Variants in KLHL5 observed in about 807,000 individuals in gnomAD.
KLHL5 encodes the protein kelch-like protein 5.
In KLHL5, 48 loss-of-function variants were observed where a neutral mutation model predicts 77.7. The observed-to-expected ratio is 0.62, with a 90% CI of 0.49 to 0.79. The LOEUF is 0.79. Among genes scored for constraint, KLHL5 ranks in the 30% least tolerant of loss-of-function variants. KLHL5 has a pLI of 0.00. For synonymous variants in KLHL5, 260 were observed against 297.0 expected (o/e 0.88, Z 1.28); for missense variants, 723 against 859.7 (o/e 0.84, Z 1.99).
intron 1 of KLHL5, among the ~76,000 whole-genome samples, chr4:39,071,865 A>G (rs1226525399): frequency 6.6e-6 from 1 of 152,224 alleles, no homozygotes; most frequent in Non-Finnish European, 1.5e-5. Flanking sequence ...TTACAGTGAA[A>G]GTCTAATATA....
chr4:39,111,527 CAT>C (rs1722456826), intron 8 of KLHL5, among the ~76,000 whole-genome samples: 1 of 152,152 alleles, frequency 6.6e-6, no homozygotes, highest in Non-Finnish European at 1.5e-5. Flanking sequence ...TGTGCACACA[CAT>C]ATGCATGTGT....
chr4:39,112,827 A>G, intron 8 of KLHL5, 193 bp from the exon 9 acceptor site: 1 of 559,586 alleles, frequency 1.8e-6, no homozygotes, highest in East Asian at 3.0e-5. Flanking sequence ...TTTCATGTAT[A>G]TACAGAGTGA....
At chr4:39,092,743 C>G (rs556640556) in intron 5 of KLHL5, among the ~76,000 whole-genome samples, 2 of 152,230 alleles carry the variant, frequency 1.3e-5, no homozygotes, top group East Asian at 3.9e-4. Flanking sequence ...GAGACTGTTT[C>G]TCTCTTCGTC....
chr4:39,120,840 A>G (rs1013144707), intron 10 of KLHL5, among the ~76,000 whole-genome samples, 170 bp from the exon 11 acceptor site: 4 of 152,260 alleles, frequency 2.6e-5, no homozygotes, highest in Non-Finnish European at 4.4e-5. Flanking sequence ...TTTGCCATGG[A>G]AGGTGGCTCT....
intron 1 of KLHL5, among the ~76,000 whole-genome samples, chr4:39,048,753 C>T (rs771542348): frequency 9.3e-5 from 13 of 140,312 alleles, no homozygotes; most frequent in Non-Finnish European, 1.7e-4. Context: ...AAGTGATTCT[C>T]CTGCCTCAGC....
Position 39,081,758 on chromosome 4 carries a change from A to T in KLHL5, c.704-205A>T, listed in dbSNP as rs1304766158. Among the ~76,000 whole-genome samples the T allele has an allele frequency of 6.6e-6, 1 of 152,066 alleles. No individual in the cohort carries two copies. Among genetic ancestry groups the T allele is most frequent in the Non-Finnish European group, 1.5e-5 (1 of 68,020 alleles). On this transcript the variant is annotated intron_variant, in intron 3 of 10. Coordinates refer to ENST00000504108, the MANE Select transcript of KLHL5 (RefSeq NM_015990.5). This position sits in a 1 kb window ranked among gnomAD's most constrained non-coding sequence, Gnocchi z 4.3. ...TTTAAAATTCTGAAAATAAGCCATT[A>T]GTTTTTATTTTAGTAGATGTCTCAA...
intron 1 of KLHL5, chr4:39,045,164 A>T: frequency 1.0e-6 from 1 of 983,512 alleles, no homozygotes; most frequent in African/African-American, 1.8e-5. Context: ...TCCCGCCCCC[A>T]CGCGACTCTC....
In KLHL5 at chr4:39,080,818, T is replaced by G. The variant is rs1447493454; in HGVS notation, c.567-285T>G. ...AACAATAACTTTTAAATTTTTTCCTTTATATAGTTGATTTGATGCTATGGG... is the reference window on the plus strand; with the variant it reads ...AACAATAACTTTTAAATTTTTTCCTGTATATAGTTGATTTGATGCTATGGG... On this transcript the variant is annotated intron_variant, in intron 2 of 10. Transcript: ENST00000504108. Among the ~76,000 whole-genome samples the G allele has an allele frequency of 2.6e-5, 4 of 152,164 alleles. No individual in the cohort carries two copies. In the East Asian group the frequency reaches 7.7e-4, roughly 29 times the overall value.
chr4:39,048,892 T>C (rs1308136120), intron 1 of KLHL5, among the ~76,000 whole-genome samples: 2 of 152,106 alleles, frequency 1.3e-5, no homozygotes, highest in African/African-American at 4.8e-5. Context: ...TCCACCTGCC[T>C]CAGCCTCCCA....
intron 10 of KLHL5, among the ~76,000 whole-genome samples, chr4:39,119,860 A>G (rs2109615166): frequency 6.6e-6 from 1 of 152,334 alleles, no homozygotes; most frequent in South Asian, 2.1e-4. Context: ...ATAAACTGAC[A>G]TTTTGATATA....
intron 2 of KLHL5, among the ~76,000 whole-genome samples, chr4:39,078,431 G>A (rs1191085381): frequency 6.6e-5 from 10 of 151,492 alleles, no homozygotes; most frequent in African/African-American, 2.4e-4. Context: ...GGTAGGCTCA[G>A]GACCTGTAAT....
At position 39,092,367 on chromosome 4, in the gene KLHL5, C is replaced by G. The variant is rs149871630; in HGVS notation, c.1114-4325C>G. ...CCTACTTATTCATAATTTATAGATA[C>G]TATCTGTATATTAGGAAATATACTT... On this transcript the variant is annotated intron_variant, in intron 5 of 10. Coordinates refer to ENST00000504108, the MANE Select transcript of KLHL5 (RefSeq NM_015990.5). Among the ~76,000 whole-genome samples, 143 of 152,236 alleles carry G rather than the reference C, an allele frequency of 9.4e-4. 1 individual carries two copies. The highest frequency in any genetic ancestry group is 3.2e-3 in the African/African-American group (132 of 41,528).
chr4:39,087,280 T>C (rs568130524), intron 5 of KLHL5, among the ~76,000 whole-genome samples: 2 of 152,232 alleles, frequency 1.3e-5, no homozygotes, highest in South Asian at 2.1e-4. Flanking sequence ...ATCCTACCAA[T>C]TGGAGGAGAA....
chr4:39,052,152 G>T (rs895550108), intron 1 of KLHL5, among the ~76,000 whole-genome samples: 2 of 151,854 alleles, frequency 1.3e-5, no homozygotes, highest in African/African-American at 4.8e-5. Context: ...ACAGAGACTC[G>T]CTCTGTCACC....
At chr4:39,067,558 AATT>A in intron 1 of KLHL5, among the ~76,000 whole-genome samples, 1 of 152,248 alleles carries the variant, frequency 6.6e-6, no homozygotes, top group Non-Finnish European at 1.5e-5. Context: ...GCATATAGCT[AATT>A]ATTCATTCTA....
At chr4:39,138,054 T>C in the KLHL5 span, among the ~76,000 whole-genome samples, 3 of 152,020 alleles carry the variant, frequency 2.0e-5, no homozygotes, top group Admixed American at 6.6e-5. Flanking sequence ...AGTCAAAGAA[T>C]AACAGATGCT....
rs549104262 is a variant in KLHL5 at position 39,076,273 on chromosome 4, A to C, written c.566+126A>C. ...AAGGGGTGTAGTTCATGGAATTTCC[A>C]TCAAGAAAACGGTGCATATGAAATT... On this transcript the variant is annotated intron_variant, in intron 2 of 10. Transcript: ENST00000504108. 1.1e-4 allele frequency: 91 copies of C among 798,838 alleles called. 1 individual carries two copies. In the South Asian group the frequency reaches 1.6e-3, roughly 14 times the overall value. 49.5% of individuals were successfully genotyped at this position (798,838 alleles called of 1,614,324 possible). A position where few individuals can be genotyped will look rare whatever the true frequency, so the allele number is the denominator to read the frequency against.
At chr4:39,048,626 A>AT (rs1716383130) in intron 1 of KLHL5, among the ~76,000 whole-genome samples, 1 of 110,406 alleles carries the variant, frequency 9.1e-6, no homozygotes, top group South Asian at 2.9e-4. Flanking sequence ...GGATGTGGTG[A>AT]TTTTACATTG....
At chr4:39,077,842 C>A (rs1719225387) in intron 2 of KLHL5, among the ~76,000 whole-genome samples, 1 of 152,132 alleles carries the variant, frequency 6.6e-6, no homozygotes, top group South Asian at 2.1e-4. Flanking sequence ...TATAGCACCA[C>A]AATTTTCAAT....
Sources: gnomAD v4.1 joint callset for allele counts (sites outside exome capture counted in the v4.1 genomes callset) on GRCh38, gnomAD v4.1.1 for gene constraint, Gnocchi (gnomAD v3.1) non-coding constraint, MANE v1.5 for transcripts, NCBI Gene and HGNC (gene_info 2026-07-23, HGNC 2026-07-21) for gene names.